Variants in AJAP1 observed in about 807,000 individuals in gnomAD.
The protein encoded by AJAP1 is adherens junctions associated protein 1, also known as adherens junction-associated protein 1.
In AJAP1, 5 loss-of-function variants were observed where a neutral mutation model predicts 35.0. That is an observed-to-expected ratio of 0.14 (90% CI 0.07 to 0.30). AJAP1 has a LOEUF of 0.30. Among genes scored for constraint, AJAP1 ranks in the 10% least tolerant of loss-of-function variants. AJAP1 has a pLI of 1.00. For synonymous variants in AJAP1, 284 were observed against 249.3 expected (o/e 1.14, Z -1.31); for missense variants, 586 against 571.0 (o/e 1.03, Z -0.27).
At chr1:4,777,139 C>A (rs924880420) in intron 5 of AJAP1, among the ~76,000 whole-genome samples, 1 of 152,170 alleles carries the variant, frequency 6.6e-6, no homozygotes, top group African/African-American at 2.4e-5. Flanking sequence ...TGGACATGAG[C>A]GTCGGGTGCA....
Position 4,692,657 on chromosome 1 carries a change from A to T in AJAP1, c.30-19243A>T, listed in dbSNP as rs1639771333. ...TCTCCCTGCCTCCTGTCCCGGGTCA[A>T]CTCCTACTTGGCATTGGAGACCCAT... On this transcript the variant is annotated intron_variant, in intron 1 of 5. Coordinates refer to ENST00000378191, the MANE Select transcript of AJAP1 (RefSeq NM_018836.4). This position sits in a 1 kb window ranked among gnomAD's most constrained non-coding sequence, Gnocchi z 4.4. Among the ~76,000 whole-genome samples, 2 of 151,914 alleles carry T rather than the reference A, an allele frequency of 1.3e-5. No homozygotes were observed. Among genetic ancestry groups the T allele is most frequent in the African/African-American group, 4.8e-5 (2 of 41,330 alleles).
chr1:4,712,424 C>T lies in AJAP1; in HGVS notation c.554C>T (p.Pro185Leu). 1 of 1,601,976 alleles carries T rather than the reference C, an allele frequency of 6.2e-7. No homozygotes were observed. Among genetic ancestry groups the T allele is most frequent in the Non-Finnish European group, 8.5e-7 (1 of 1,174,542 alleles). The change falls in exon 2 of 6, where the codon CCC becomes CTC. Residue 185 changes from proline (P) to leucine (L), a missense_variant. By Grantham distance (98) the Pro-to-Leu change is moderately conservative (BLOSUM62 -3). Transcript: ENST00000378191. ...GAGACTGAGTTCATCGCCTGGGGGC[C>T]CACGGGGGACGAGGAGGCCCTGGAG... Reference protein sequence around the residue: ...TTETEFIAWGPTGDEEALESN... With the variant: ...TTETEFIAWGLTGDEEALESN...
At chr1:4,758,468 G>A (rs774468016) in intron 2 of AJAP1, among the ~76,000 whole-genome samples, 18 of 152,144 alleles carry the variant, frequency 1.2e-4, no homozygotes, top group Non-Finnish European at 2.6e-4. Context: ...AGGAAGCAAG[G>A]CACCTTCTTC....
intron 5 of AJAP1, among the ~76,000 whole-genome samples, chr1:4,776,802 CATTT>C (rs1641949857): frequency 6.6e-6 from 1 of 152,030 alleles, no homozygotes; most frequent in Non-Finnish European, 1.5e-5. Context: ...GGACCACCGG[CATTT>C]ACACAAGGAA....
chr1:4,679,811 GTGTGT>G (rs1557605848), intron 1 of AJAP1, among the ~76,000 whole-genome samples: 1,059 of 57,338 alleles, frequency 0.018, 17 homozygotes, highest in African/African-American at 0.064. Flanking sequence ...CCAATAGGGT[GTGTGT>G]GTGTGTGTGT....
rs1233212263 is a variant in AJAP1 at position 4,734,407 on chromosome 1, G to A, written c.829+21708G>A. Among the ~76,000 whole-genome samples the A allele has an allele frequency of 6.6e-6, 1 of 152,202 alleles. No individual in the cohort carries two copies. Among genetic ancestry groups the A allele is most frequent in the Admixed American group, 6.5e-5 (1 of 15,288 alleles). Reference sequence around the variant, plus strand: ...CTCTGATCTTAAATCAGCAGAGGCAGAGGCCCCGAGAGGTTAAGTGACTTG... The same window carrying A: ...CTCTGATCTTAAATCAGCAGAGGCAAAGGCCCCGAGAGGTTAAGTGACTTG... On this transcript the variant is annotated intron_variant, in intron 2 of 5. Transcript: ENST00000378191. This position sits in a 1 kb window ranked among gnomAD's most constrained non-coding sequence, Gnocchi z 4.3.
intron 2 of AJAP1, among the ~76,000 whole-genome samples, chr1:4,754,382 C>T (rs1436003216): frequency 6.6e-6 from 1 of 152,170 alleles, no homozygotes; most frequent in East Asian, 1.9e-4. Flanking sequence ...TTTGCCAATT[C>T]TTGCTCTCAA....
chr1:4,772,723 T>C (rs1170512385), intron 4 of AJAP1, among the ~76,000 whole-genome samples, 198 bp downstream of exon 4: 4 of 152,180 alleles, frequency 2.6e-5, no homozygotes, highest in African/African-American at 4.8e-5. Flanking sequence ...GTTTAGCTGC[T>C]CCCAGAGAAT....
intron 2 of AJAP1, among the ~76,000 whole-genome samples, chr1:4,751,826 G>A (rs569417010): frequency 6.6e-6 from 1 of 152,312 alleles, no homozygotes; most frequent in South Asian, 2.1e-4. Flanking sequence ...AGTAAGATTG[G>A]GTCACGGGCA....
At chr1:4,713,555 G>A (rs1422216961) in intron 2 of AJAP1, among the ~76,000 whole-genome samples, 1 of 152,190 alleles carries the variant, frequency 6.6e-6, no homozygotes, top group Non-Finnish European at 1.5e-5. Context: ...CCCTGAACTG[G>A]TAGCCTGCAC....
rs182565436 is a variant in AJAP1, at chr1:4,753,787, G to A, written c.830-16066G>A. On this transcript the variant is annotated intron_variant, in intron 2 of 5. Transcript: ENST00000378191. ...GGGTTTCTCCATGTTGGAGAGGCTG[G>A]TCTCGAACTCCTGACCTCAGGTGAT... 7.2e-5 allele frequency among the ~76,000 whole-genome samples: 11 copies of A among 152,294 alleles called. No homozygotes were observed. In the East Asian group the frequency reaches 2.1e-3, roughly 29 times the overall value.
Position 4,655,792 on chromosome 1 carries a change from C to T in AJAP1, c.29+338C>T, listed in dbSNP as rs904531257. Reference sequence around the variant, plus strand: ...GGCCGGCTGCCCCGGCGCGCCTCCTCCCCGGGGCCCGGGGCGAGGCGCCGG... The same window carrying T: ...GGCCGGCTGCCCCGGCGCGCCTCCTTCCCGGGGCCCGGGGCGAGGCGCCGG... On this transcript the variant is annotated intron_variant, in intron 1 of 5. Coordinates refer to ENST00000378191, the MANE Select transcript of AJAP1 (RefSeq NM_018836.4). The surrounding 1 kb of genome is among the most constrained non-coding windows in gnomAD (Gnocchi z 6.9). Among the ~76,000 whole-genome samples, 6 of 148,662 alleles carry T rather than the reference C, an allele frequency of 4.0e-5. No homozygotes were observed. Among genetic ancestry groups the T allele is most frequent in the Non-Finnish European group, 6.0e-5 (4 of 66,848 alleles).
intron 3 of AJAP1, among the ~76,000 whole-genome samples, chr1:4,770,904 C>T (rs149718134): frequency 1.3e-5 from 2 of 152,112 alleles, no homozygotes; most frequent in Non-Finnish European, 2.9e-5. Flanking sequence ...CAAACTGGGA[C>T]CCCGGGCGTT....
In AJAP1 at chr1:4,788,559, A is replaced by T. The variant is rs917996794; in HGVS notation, c.*6074A>T. The T allele has an allele frequency of 6.6e-6, 1 of 152,246 alleles. No homozygotes were observed. Among genetic ancestry groups the T allele is most frequent in the Non-Finnish European group, 1.5e-5 (1 of 68,078 alleles). 9.4% of individuals were successfully genotyped at this position (152,246 alleles called of 1,614,324 possible). The stretch of plus-strand genomic sequence containing the variant: ...TTTATGCTGAAGGGCCCTTGGGAAC[A>T]TGGGAACATTTGCACTTTGTCAGAG... On this transcript the variant is annotated 3_prime_UTR_variant, in exon 6 of 6. Coordinates refer to ENST00000378191, the MANE Select transcript of AJAP1 (RefSeq NM_018836.4).
chr1:4,766,117 C>T (rs1289053643), intron 2 of AJAP1, among the ~76,000 whole-genome samples: 4 of 152,226 alleles, frequency 2.6e-5, no homozygotes, highest in Non-Finnish European at 5.9e-5. Context: ...TATCTGTAAA[C>T]TGTGGTCCAT....
In AJAP1 at chr1:4,787,681, C is replaced by T; in HGVS notation, c.*5196C>T. The T allele has an allele frequency of 2.2e-6, 1 of 456,138 alleles. No homozygotes were observed. The highest frequency in any genetic ancestry group is 4.4e-6 in the Non-Finnish European group (1 of 226,924). 28.3% of individuals were successfully genotyped at this position (456,138 alleles called of 1,614,324 possible). ...CCCTGGGCACTGGCTCTGCCCAGCC[C>T]CTCCCATGTTGGTCCCATCTGTCAG... On this transcript the variant is annotated 3_prime_UTR_variant, in exon 6 of 6. Coordinates refer to ENST00000378191, the MANE Select transcript of AJAP1 (RefSeq NM_018836.4).
intron 1 of AJAP1, among the ~76,000 whole-genome samples, chr1:4,687,919 G>A (rs755311609): frequency 6.6e-6 from 1 of 152,252 alleles, no homozygotes; most frequent in South Asian, 2.1e-4. Context: ...GGAGGCCAAC[G>A]ATGAACAAAG....
At chr1:4,706,693 G>A (rs987624198) in intron 1 of AJAP1, among the ~76,000 whole-genome samples, 1 of 152,162 alleles carries the variant, frequency 6.6e-6, no homozygotes, top group African/African-American at 2.4e-5. Flanking sequence ...GCACACTCCC[G>A]GCTCGGGGAA....
At position 4,774,461 on chromosome 1, in the gene AJAP1, G is replaced by A; in HGVS notation, c.1198G>A (p.Ala400Thr). The change falls in exon 5 of 6, where the codon GCC becomes ACC. Residue 400 changes from alanine to threonine, a missense_variant. Coordinates refer to ENST00000378191, the MANE Select transcript of AJAP1 (RefSeq NM_018836.4). ...SSSDRHLIPV[A>T]FVSEKWFEIS... ...TTCTGATCGGCATCTTATTCCTGTG[G>A]CCTTCGTGTCTGAGAAATGGTTTGA... The A allele has an allele frequency of 6.2e-7, 1 of 1,614,192 alleles. No homozygotes were observed. Among genetic ancestry groups the A allele is most frequent in the African/African-American group, 1.3e-5 (1 of 75,060 alleles).
Sources: allele counts gnomAD v4.1 joint callset (sites outside exome capture counted in the v4.1 genomes callset), GRCh38; gene constraint gnomAD v4.1.1; non-coding constraint Gnocchi (gnomAD v3.1); transcripts MANE v1.5; gene names NCBI Gene and HGNC (gene_info 2026-07-23, HGNC 2026-07-21).